RNF216: variants seen among roughly 807,000 people sequenced by gnomAD.
The protein encoded by RNF216 is E3 ubiquitin-protein ligase RNF216.
A neutral mutation model predicts 110.8 loss-of-function variants in RNF216; 72 were observed. The ratio of observed to expected loss-of-function variants is 0.65; its 90% CI spans 0.54 to 0.79. The LOEUF (loss-of-function observed/expected upper bound fraction) is 0.79. RNF216 is among the 30% of genes least tolerant of loss of function. RNF216 has a pLI of 0.00. For synonymous variants in RNF216, 495 were observed against 407.5 expected (o/e 1.21, Z -2.59); for missense variants, 1,342 against 1,141.2 (o/e 1.18, Z -2.54).
chr7:5,635,465 A>G (rs1041632157), intron 15 of RNF216, among the ~76,000 whole-genome samples: 2 of 152,032 alleles, frequency 1.3e-5, no homozygotes, highest in African/African-American at 4.8e-5. Flanking sequence ...TCAGTTTCCA[A>G]CCTAAAAGTC....
intron 13 of RNF216, among the ~76,000 whole-genome samples, chr7:5,677,420 C>A (rs1439120993): frequency 6.6e-6 from 1 of 152,134 alleles, no homozygotes; most frequent in African/African-American, 2.4e-5. Context: ...TTGCCATTTT[C>A]TCAGGCTTTC....
At chr7:5,765,952 CA>C (rs138328361) in intron 1 of RNF216, among the ~76,000 whole-genome samples, 14 of 102,378 alleles carry the variant, frequency 1.4e-4, no homozygotes, top group African/African-American at 2.3e-4. Flanking sequence ...GACTCTGTCT[CA>C]AAAAAAAAAA....
At chr7:5,721,752 A>G (rs895011369) in intron 8 of RNF216, among the ~76,000 whole-genome samples, 8 of 152,304 alleles carry the variant, frequency 5.3e-5, no homozygotes, top group African/African-American at 1.9e-4. Flanking sequence ...GTGCTGTATG[A>G]TTTTCAACCA....
intron 2 of RNF216, 74 bp from the exon 3 acceptor site, chr7:5,753,053 A>G (rs1795416848): frequency 6.6e-7 from 1 of 1,513,586 alleles, no homozygotes; most frequent in South Asian, 1.3e-5. Context: ...TTTTCCTGAC[A>G]GGGGTACAGC....
chr7:5,774,805 C>G lies in RNF216; in HGVS notation c.-70+6736G>C, dbSNP rs142160648. Reference sequence around the variant, plus strand: ...CGAAGTTTTGCTCTTGTTGCCCAGGCTGGAGTGCAATGGTGCAATCTCAGT... The same window carrying G: ...CGAAGTTTTGCTCTTGTTGCCCAGGGTGGAGTGCAATGGTGCAATCTCAGT... On this transcript the variant is annotated intron_variant, in intron 1 of 16. Coordinates refer to ENST00000389902, the MANE Select transcript of RNF216 (RefSeq NM_207111.4). Among the ~76,000 whole-genome samples the G allele has an allele frequency of 8.7e-4, 132 of 151,834 alleles. No homozygotes were observed. In the Middle Eastern group the frequency reaches 0.01, roughly 12 times the overall value.
chr7:5,755,298 T>G (rs1175591953), intron 2 of RNF216, among the ~76,000 whole-genome samples: 1 of 152,012 alleles, frequency 6.6e-6, no homozygotes, highest in African/African-American at 2.4e-5. Flanking sequence ...AGTCCAGTGT[T>G]TGACAAGATA....
intron 5 of RNF216, among the ~76,000 whole-genome samples, chr7:5,734,412 T>C (rs935634762): frequency 6.6e-6 from 1 of 152,248 alleles, no homozygotes; most frequent in Non-Finnish European, 1.5e-5. Flanking sequence ...TTCTATTTCT[T>C]GAAGATTTCT....
chr7:5,752,825 G>GTT, intron 3 of RNF216, 21 bp downstream of exon 3: 1 of 1,606,214 alleles, frequency 6.2e-7, no homozygotes. Context: ...ATGTCTCATT[G>GTT]TAAGTTTAAA....
At chr7:5,632,522 T>C (rs533440946) in intron 15 of RNF216, among the ~76,000 whole-genome samples, 56 of 152,302 alleles carry the variant, frequency 3.7e-4, no homozygotes, top group African/African-American at 1.0e-3. Context: ...AGCGTAATGA[T>C]GTGTCAGGCC....
At chr7:5,768,867 T>A (rs1796345470) in intron 1 of RNF216, among the ~76,000 whole-genome samples, 1 of 151,650 alleles carries the variant, frequency 6.6e-6, no homozygotes, top group Non-Finnish European at 1.5e-5. Context: ...TTCACCATGT[T>A]AGCCAGGATG....
chr7:5,692,502 T>C lies in RNF216; in HGVS notation c.2061+19259A>G, dbSNP rs575723947. ...ATACTAATTCCCGCGGGGCCCTGAC[T>C]TCTGGTCCAAGGTTTCTCACTGGCT... On this transcript the variant is annotated intron_variant, in intron 13 of 16. Coordinates refer to ENST00000389902, the MANE Select transcript of RNF216 (RefSeq NM_207111.4). Among the ~76,000 whole-genome samples, 26 of 152,316 alleles carry C rather than the reference T, an allele frequency of 1.7e-4. 1 individual carries two copies. In the South Asian group the frequency reaches 3.9e-3, roughly 23 times the overall value.
chr7:5,674,674 G>A (rs1790152603), intron 13 of RNF216, among the ~76,000 whole-genome samples: 1 of 151,422 alleles, frequency 6.6e-6, no homozygotes, highest in East Asian at 2.0e-4. Context: ...GAATTCCTGG[G>A]GAGACTAGTC....
chr7:5,723,094 T>C (rs958580612), intron 8 of RNF216, among the ~76,000 whole-genome samples: 1 of 152,348 alleles, frequency 6.6e-6, no homozygotes, highest in South Asian at 2.1e-4. Flanking sequence ...TTAACCTCTC[T>C]GTGCTTCACT....
intron 5 of RNF216, among the ~76,000 whole-genome samples, chr7:5,731,386 T>G (rs1269022107): frequency 2.8e-5 from 4 of 145,146 alleles, no homozygotes; most frequent in Non-Finnish European, 5.9e-5. Context: ...CAAGCTAGAC[T>G]GATGAACAGA....
intron 14 of RNF216, among the ~76,000 whole-genome samples, chr7:5,645,016 C>T (rs1787970881): frequency 6.6e-6 from 1 of 151,766 alleles, no homozygotes; most frequent in South Asian, 2.1e-4. Context: ...GGCGTTTCAT[C>T]ATATTGGCCA....
intron 5 of RNF216, among the ~76,000 whole-genome samples, chr7:5,736,352 C>A (rs889806140): frequency 6.6e-6 from 1 of 152,218 alleles, no homozygotes; most frequent in African/African-American, 2.4e-5. Context: ...CAGCTCCTAA[C>A]CGGGACTGAT....
intron 3 of RNF216, among the ~76,000 whole-genome samples, chr7:5,747,762 AAAAAAAAAAAAAAG>A (rs1328095240): frequency 7.9e-5 from 10 of 126,410 alleles, no homozygotes; most frequent in South Asian, 2.2e-4. Context: ...AAAAAAAAAA[AAAAAAAAAAAAAAG>A]GGGAAAAAAA....
chr7:5,731,941 C>A (rs187882270), intron 5 of RNF216, among the ~76,000 whole-genome samples: 2 of 152,296 alleles, frequency 1.3e-5, no homozygotes, highest in Admixed American at 6.5e-5. Context: ...CCGCCGGGGA[C>A]CCACGTCAAA....
chr7:5,635,208 G>C (rs1273843225), intron 15 of RNF216, among the ~76,000 whole-genome samples: 1 of 152,012 alleles, frequency 6.6e-6, no homozygotes, highest in Non-Finnish European at 1.5e-5. Flanking sequence ...GGTGTTGGCT[G>C]TGTGGCTATT....
Sources: gnomAD v4.1 joint callset for allele counts (sites outside exome capture counted in the v4.1 genomes callset) on GRCh38, gnomAD v4.1.1 for gene constraint, MANE v1.5 for transcripts, NCBI Gene and HGNC (gene_info 2026-07-23, HGNC 2026-07-21) for gene names.